SLC1A3: variants seen among roughly 807,000 people sequenced by gnomAD.
SLC1A3 encodes excitatory amino acid transporter 1.
SLC1A3 carries 21 observed loss-of-function variants against 48.1 expected under a neutral mutation model. That is an observed-to-expected ratio of 0.44 (90% confidence interval 0.31 to 0.63). The LOEUF is 0.63. Ranked by LOEUF, SLC1A3 falls within the 20% of genes least tolerant of loss-of-function variation. The pLI is 0.08. For synonymous variants in SLC1A3, 239 were observed against 251.4 expected (o/e 0.95, Z 0.47); for missense variants, 546 against 689.0 (o/e 0.79, Z 2.32).
rs141828644 is a variant in SLC1A3 at position 36,629,499 on chromosome 5, A to G, written c.231A>G (p.Glu77=). The G allele has an allele frequency of 4.3e-5, 70 of 1,613,048 alleles. No individual in the cohort carries two copies. In the African/African-American group the frequency reaches 8.0e-4, roughly 18 times the overall value. Residue 77 remains glutamate (E), a synonymous_variant, in exon 3 of 10, where the codon GAA becomes GAG. Coordinates refer to ENST00000265113, the MANE Select transcript of SLC1A3 (RefSeq NM_004172.5). The stretch of plus-strand genomic sequence containing the variant: ...GACCATACAGAATGAGCTACCGGGA[A>G]GTCAAGTACTTCTCCTTTCCTGGGG... ...TLRPYRMSYR[E]VKYFSFPGEL...
chr5:36,684,578 C>G (rs1194473294), intron 9 of SLC1A3, among the ~76,000 whole-genome samples: 5 of 152,204 alleles, frequency 3.3e-5, no homozygotes, highest in African/African-American at 4.8e-5. Flanking sequence ...GCCCCCTTCC[C>G]TCGCTCTTCC....
intron 8 of SLC1A3, among the ~76,000 whole-genome samples, chr5:36,682,616 C>A (rs1742482962): frequency 6.6e-6 from 1 of 152,204 alleles, no homozygotes; most frequent in African/African-American, 2.4e-5. Flanking sequence ...CTCCACAAAG[C>A]CTTCAAGGCT....
rs1400704300 is a variant in SLC1A3, at chr5:36,658,615, G to T, written c.320-12414G>T. 5.3e-5 allele frequency among the ~76,000 whole-genome samples: 8 copies of T among 151,508 alleles called. No homozygotes were observed. The South Asian group carries it at 6.2e-4, about 12-fold the overall frequency. The stretch of plus-strand genomic sequence containing the variant: ...TTTAGATTTCTAAGCAGTTTTTTTT[G>T]TTTGTTTGTTTAATCAAAGCTGCCC... On this transcript the variant is annotated intron_variant, in intron 3 of 9. Coordinates refer to ENST00000265113, the MANE Select transcript of SLC1A3 (RefSeq NM_004172.5).
intron 1 of SLC1A3, among the ~76,000 whole-genome samples, chr5:36,597,408 T>C (rs1482142103): frequency 5.3e-5 from 8 of 151,658 alleles, no homozygotes; most frequent in African/African-American, 1.9e-4. Context: ...CACGCCCGGC[T>C]AGTTTTTGTA....
intron 3 of SLC1A3, chr5:36,666,604 T>C (rs1481408956): frequency 2.0e-5 from 3 of 152,220 alleles, no homozygotes; most frequent in African/African-American, 7.2e-5. Context: ...AGTACACTGA[T>C]ACATGTTAAT....
Position 36,629,510 on chromosome 5 carries a change from T to C in SLC1A3, c.242T>C (p.Phe81Ser). Residue 81 changes from phenylalanine (F) to serine (S), a missense_variant, in exon 3 of 10, where the codon TTC (phenylalanine) becomes TCC (serine). Around this residue, in one of 3 missense-constraint regions of SLC1A3, gnomAD observed 348 missense variants for 392.0 expected, o/e 0.89. Coordinates refer to ENST00000265113, the MANE Select transcript of SLC1A3 (RefSeq NM_004172.5). ...YRMSYREVKY[F>S]SFPGELLMRM... is the part of the protein sequence containing the mutation. ...ATGAGCTACCGGGAAGTCAAGTACT[T>C]CTCCTTTCCTGGGGAACTTCTGATG... 1 of 1,613,150 alleles carries C rather than the reference T, an allele frequency of 6.2e-7. No individual in the cohort carries two copies. The highest frequency in any genetic ancestry group is 1.1e-5 in the South Asian group (1 of 91,044).
chr5:36,632,276 C>T lies in SLC1A3; in HGVS notation c.319+2689C>T, dbSNP rs1202908764. Among the ~76,000 whole-genome samples the T allele has an allele frequency of 5.3e-5, 8 of 152,180 alleles. 1 individual carries two copies. The highest frequency in any genetic ancestry group is 1.9e-4 in the East Asian group (1 of 5,202). On this transcript the variant is annotated intron_variant, in intron 3 of 9. Transcript: ENST00000265113. ...CCTGCAGATTCTTTGATACAATTCA[C>T]GAAACAAACCAGTGCAAAGCAAACG...
At chr5:36,623,959 T>C (rs1368654759) in intron 2 of SLC1A3, among the ~76,000 whole-genome samples, 1 of 152,120 alleles carries the variant, frequency 6.6e-6, no homozygotes, top group East Asian at 1.9e-4. Context: ...GAAGTCTGTG[T>C]ATCAGGCTGT....
At position 36,683,983 on chromosome 5, in the gene SLC1A3, C is replaced by T. The variant is rs756063867; in HGVS notation, c.1409C>T (p.Ala470Val). The T allele has an allele frequency of 8.1e-6, 13 of 1,614,076 alleles. No homozygotes were observed. Among genetic ancestry groups the T allele is most frequent in the South Asian group, 7.7e-5 (7 of 91,082 alleles). The stretch of plus-strand genomic sequence containing the variant: ...ACTGACGACATCACGCTCATCATCG[C>T]GGTGGACTGGTTCCTGTGAGTATGC... ...LPTDDITLII[A>V]VDWFLDRLRT... Residue 470 changes from alanine to valine, a missense_variant, in exon 9 of 10, where the codon GCG (alanine) becomes GTG (valine). This residue lies in a region of SLC1A3 where 142 missense variants were observed against 238.0 expected (regional missense o/e 0.60). Coordinates refer to ENST00000265113, the MANE Select transcript of SLC1A3 (RefSeq NM_004172.5).
intron 2 of SLC1A3, chr5:36,613,103 G>C: frequency 3.5e-6 from 1 of 288,620 alleles, no homozygotes; most frequent in South Asian, 3.0e-5. Flanking sequence ...ACGAGGGTAA[G>C]TTCAGTTTGG....
chr5:36,629,442 T>TC lies in SLC1A3; in HGVS notation c.182-6dup, dbSNP rs766883492. ...TTTTCTTTTTCTTTTTTTTTTTTTT[T>TC]CCTTCAGGTACAATCCTTGGATTTA... On this transcript the variant is annotated splice_polypyrimidine_tract_variant and splice_region_variant and intron_variant, in intron 2 of 9. Coordinates refer to ENST00000265113, the MANE Select transcript of SLC1A3 (RefSeq NM_004172.5). 3.1e-6 allele frequency: 5 copies of TC among 1,607,530 alleles called. No individual in the cohort carries two copies. Among genetic ancestry groups the TC allele is most frequent in the Middle Eastern group, 1.7e-4 (1 of 5,990 alleles).
intron 3 of SLC1A3, among the ~76,000 whole-genome samples, chr5:36,637,171 G>A (rs1740427272): frequency 6.6e-6 from 1 of 152,172 alleles, no homozygotes; most frequent in South Asian, 2.1e-4. Context: ...TGCTCCAGAT[G>A]TCATGTGACT....
upstream of SLC1A3, among the ~76,000 whole-genome samples, chr5:36,604,339 G>GAAAA (rs5867330): frequency 0.22 from 33,390 of 150,034 alleles, 4,798 homozygotes; most frequent in East Asian, 0.44. Context: ...TTTCTAGAAG[G>GAAAA]AAAAAAAAAG....
intron 5 of SLC1A3, among the ~76,000 whole-genome samples, chr5:36,675,924 A>T (rs1212301946): frequency 6.6e-6 from 1 of 151,542 alleles, no homozygotes; most frequent in Non-Finnish European, 1.5e-5. Flanking sequence ...ACTCACCATC[A>T]CTCACCATTA....
upstream of SLC1A3, chr5:36,606,589 T>G (rs373419132): frequency 6.6e-6 from 1 of 152,316 alleles, no homozygotes; most frequent in African/African-American, 2.4e-5. Context: ...GTTGCCCTGA[T>G]AGTAACTTGC....
chr5:36,603,523 T>C (rs1390891620), upstream of SLC1A3, among the ~76,000 whole-genome samples: 1 of 152,262 alleles, frequency 6.6e-6, no homozygotes, highest in Non-Finnish European at 1.5e-5. Flanking sequence ...TGGATGTTTT[T>C]AGGTTTCATA....
chr5:36,662,334 A>G (rs1246476587), intron 3 of SLC1A3, among the ~76,000 whole-genome samples: 1 of 152,040 alleles, frequency 6.6e-6, no homozygotes, highest in Non-Finnish European at 1.5e-5. Context: ...TGCCCAACAC[A>G]CACTTTGCTT....
intron 3 of SLC1A3, chr5:36,636,505 T>TTTCTTTCTTTCTC (rs1740386382): frequency 1.4e-5 from 1 of 70,136 alleles, no homozygotes; most frequent in African/African-American, 3.7e-5. Flanking sequence ...CTTTCTTTCT[T>TTTCTTTCTTTCTC]TTTCTTTCTT....
At chr5:36,632,119 A>G (rs886094568) in intron 3 of SLC1A3, among the ~76,000 whole-genome samples, 4 of 152,214 alleles carry the variant, frequency 2.6e-5, no homozygotes, top group Non-Finnish European at 5.9e-5. Flanking sequence ...TAAGAGGGAC[A>G]AGTATGATGA....
Sources: allele counts gnomAD v4.1 joint callset (sites outside exome capture counted in the v4.1 genomes callset), GRCh38; gene constraint gnomAD v4.1.1; regional missense constraint gnomAD v4.1.1; transcripts MANE v1.5; gene names NCBI Gene and HGNC (gene_info 2026-07-23, HGNC 2026-07-21).